AIM2: variants seen among roughly 807,000 people sequenced by gnomAD.
AIM2 encodes the protein interferon-inducible protein AIM2.
AIM2 carries 30 observed loss-of-function variants against 27.7 expected under a neutral mutation model. The ratio of observed to expected loss-of-function variants is 1.08; its 90% confidence interval spans 0.81 to 1.47. The LOEUF is 1.47. AIM2 is among the 40% of genes most tolerant of loss of function. The pLI is 0.00. For missense variants in AIM2, 358 were observed against 411.3 expected (o/e 0.87, Z 1.12); for synonymous variants, 141 against 145.3 (o/e 0.97, Z 0.21).
chr1:159,113,597 A>T (rs1470876936), intron 1 of AIM2, among the ~76,000 whole-genome samples: 1 of 152,218 alleles, frequency 6.6e-6, no homozygotes, highest in African/African-American at 2.4e-5. Flanking sequence ...TCTGGAATAT[A>T]GTCAATACCA....
chr1:159,126,571 C>T (rs1352160503), intron 1 of AIM2, among the ~76,000 whole-genome samples: 1 of 149,502 alleles, frequency 6.7e-6, no homozygotes, highest in Non-Finnish European at 1.5e-5. Context: ...ATGGCGTGAA[C>T]CTGGGAGGCG....
chr1:159,071,062 CATTTT>C (rs1656339143), intron 2 of AIM2, among the ~76,000 whole-genome samples: 1 of 152,206 alleles, frequency 6.6e-6, no homozygotes. Context: ...TCATTTTCAG[CATTTT>C]ATTTTAATCT....
intron 1 of AIM2, among the ~76,000 whole-genome samples, chr1:159,107,297 CAT>C (rs1491454720): frequency 6.7e-6 from 1 of 149,098 alleles, no homozygotes; most frequent in Non-Finnish European, 1.5e-5. Context: ...AACAGATGTA[CAT>C]GTGTGTATGT....
downstream of AIM2, among the ~76,000 whole-genome samples, chr1:159,060,650 T>G (rs917034834): frequency 3.1e-4 from 47 of 152,218 alleles, 1 homozygote; most frequent in Non-Finnish European, 1.5e-5. Context: ...GAAATTAAAA[T>G]GTATGTAGAA....
chr1:159,137,249 G>C (rs558616688), intron 1 of AIM2, among the ~76,000 whole-genome samples: 1 of 152,160 alleles, frequency 6.6e-6, no homozygotes, highest in Non-Finnish European at 1.5e-5. Flanking sequence ...TGGGGGCCAC[G>C]GTTAGCTGTA....
intron 1 of AIM2, among the ~76,000 whole-genome samples, chr1:159,133,601 G>C (rs1392564719): frequency 1.3e-5 from 2 of 151,898 alleles, no homozygotes; most frequent in East Asian, 3.9e-4. Flanking sequence ...TATCACCCTT[G>C]ACTTCCATGT....
intron 1 of AIM2, among the ~76,000 whole-genome samples, chr1:159,111,949 C>T (rs1219844219): frequency 6.6e-6 from 1 of 151,702 alleles, no homozygotes; most frequent in Non-Finnish European, 1.5e-5. Context: ...ATTTGAGGCT[C>T]AAGAAGCACT....
At chr1:159,086,741 C>T (rs980897311) in intron 1 of AIM2, among the ~76,000 whole-genome samples, 3 of 152,212 alleles carry the variant, frequency 2.0e-5, no homozygotes, top group Non-Finnish European at 4.4e-5. Flanking sequence ...ACCTGTGTGG[C>T]CTTGAGTAAG....
At chr1:159,139,986 A>G (rs778479363) in intron 1 of AIM2, among the ~76,000 whole-genome samples, 1 of 152,206 alleles carries the variant, frequency 6.6e-6, no homozygotes, top group Non-Finnish European at 1.5e-5. Context: ...AGATGTATGC[A>G]GTATTCTAGA....
chr1:159,107,922 A>C (rs1188147356), intron 1 of AIM2, among the ~76,000 whole-genome samples: 1 of 152,190 alleles, frequency 6.6e-6, no homozygotes, highest in East Asian at 1.9e-4. Context: ...AAAAATTACC[A>C]ACAAAAAAAG....
At chr1:159,113,490 C>A (rs1169482808) in intron 1 of AIM2, among the ~76,000 whole-genome samples, 1 of 152,174 alleles carries the variant, frequency 6.6e-6, no homozygotes, top group African/African-American at 2.4e-5. Context: ...AATGTACTTT[C>A]TTTTGTTTAG....
chr1:159,071,301 T>A (rs1656352077), intron 2 of AIM2, among the ~76,000 whole-genome samples: 1 of 152,176 alleles, frequency 6.6e-6, no homozygotes, highest in Non-Finnish European at 1.5e-5. Flanking sequence ...GCAATGGCAA[T>A]GGAGAAGGAT....
chr1:159,138,433 C>T (rs1158035133), intron 1 of AIM2, among the ~76,000 whole-genome samples: 1 of 152,218 alleles, frequency 6.6e-6, no homozygotes, highest in Admixed American at 6.5e-5. Context: ...CATCATTCAT[C>T]ACATCACTCT....
At chr1:159,134,630 A>G (rs1647980519) in intron 1 of AIM2, among the ~76,000 whole-genome samples, 1 of 152,178 alleles carries the variant, frequency 6.6e-6, no homozygotes, top group East Asian at 1.9e-4. Flanking sequence ...TCAGGAGTTC[A>G]AGACCAGCCT....
rs1047174415 is a variant in AIM2, at chr1:159,076,731, G to A, written c.-119C>T. On this transcript the variant is annotated 5_prime_UTR_variant, in exon 1 of 6. Transcript: ENST00000368130. ...CAGGAGAGCATGCCCAAATAACCTA[G>A]GTGACTTTCAAAGCTACAAAGACTC... 6.6e-6 allele frequency: 1 copy of A among 152,272 alleles called. No homozygotes were observed. The highest frequency in any genetic ancestry group is 1.5e-5 in the Non-Finnish European group (1 of 68,162). 9.4% of individuals were successfully genotyped at this position (152,272 alleles called of 1,614,324 possible). A position where few individuals can be genotyped will look rare whatever the true frequency, so the allele number is the denominator to read the frequency against.
At chr1:159,114,730 T>C (rs943780866) in intron 1 of AIM2, among the ~76,000 whole-genome samples, 2 of 152,182 alleles carry the variant, frequency 1.3e-5, no homozygotes, top group African/African-American at 4.8e-5. Flanking sequence ...AATATCATAC[T>C]GAATGGGCAA....
At chr1:159,105,544 C>A (rs565082165) in intron 1 of AIM2, among the ~76,000 whole-genome samples, 107 of 152,256 alleles carry the variant, frequency 7.0e-4, no homozygotes, top group Middle Eastern at 3.4e-3. Flanking sequence ...TAGAGAGGAG[C>A]TTTATTGAGT....
chr1:159,137,006 T>G (rs74959158), intron 1 of AIM2, among the ~76,000 whole-genome samples: 4 of 152,138 alleles, frequency 2.6e-5, no homozygotes, highest in African/African-American at 9.7e-5. Context: ...TGCCTACATA[T>G]CTGACTCTAT....
chr1:159,133,787 A>C (rs982613887), intron 1 of AIM2, among the ~76,000 whole-genome samples: 5 of 152,104 alleles, frequency 3.3e-5, no homozygotes, highest in Admixed American at 3.3e-4. Flanking sequence ...CTCTGTTATT[A>C]AATGCTGAAG....
Sources: gnomAD v4.1 joint callset for allele counts (sites outside exome capture counted in the v4.1 genomes callset) on GRCh38, gnomAD v4.1.1 for gene constraint, MANE v1.5 for transcripts, NCBI Gene and HGNC (gene_info 2026-07-23, HGNC 2026-07-21) for gene names.